The following FBXL4 variants were observed in gnomAD, a reference collection of about 807,000 sequenced individuals.
FBXL4 encodes the protein F-box/LRR-repeat protein 4.
Under a neutral mutation model 58.9 loss-of-function variants are expected in FBXL4, and 40 were observed. The observed-to-expected ratio is 0.68, with a 90% CI of 0.53 to 0.88. The LOEUF (loss-of-function observed/expected upper bound fraction) is 0.88. Among genes scored for constraint, FBXL4 ranks in the 40% least tolerant of loss-of-function variants. The pLI is 0.00. For synonymous variants in FBXL4, 263 were observed against 265.5 expected, an observed-to-expected ratio of 0.99 and a Z score of 0.09; for missense variants, 676 against 734.4, an observed-to-expected ratio of 0.92 and a Z score of 0.92.
At chr6:98,929,796 G>A (rs933476396) in intron 2 of FBXL4, among the ~76,000 whole-genome samples, 1 of 152,076 alleles carries the variant, frequency 6.6e-6, no homozygotes, top group Non-Finnish European at 1.5e-5. Context: ...CCCTATCCAT[G>A]AAACCAGGAC....
intron 7 of FBXL4, among the ~76,000 whole-genome samples, chr6:98,888,103 T>C (rs950408387): frequency 2.0e-5 from 3 of 152,244 alleles, no homozygotes; most frequent in Admixed American, 6.5e-5. Flanking sequence ...AAATTAACTC[T>C]TCATTTCCAG....
intron 7 of FBXL4, among the ~76,000 whole-genome samples, chr6:98,891,188 G>A (rs1431117509): frequency 1.3e-5 from 2 of 152,124 alleles, no homozygotes; most frequent in Admixed American, 1.3e-4. Context: ...TGGAGAGTTA[G>A]AATTCTGACA....
Position 98,875,738 on chromosome 6 carries a change from A to AAT in FBXL4, c.1390-13_1390-12dup. 3 of 1,611,790 alleles carry AAT rather than the reference A, an allele frequency of 1.9e-6. No individual in the cohort carries two copies. The highest frequency in any genetic ancestry group is 2.5e-6 in the Non-Finnish European group (3 of 1,178,898). Reference sequence around the variant, plus strand: ...ATCATAGTCTTCAATCTGGAAATCAAATAATTCCAATCTTTTACATGTTAT... The same window carrying AAT: ...ATCATAGTCTTCAATCTGGAAATCAAATATAATTCCAATCTTTTACATGTTAT... On this transcript the variant is annotated splice_polypyrimidine_tract_variant and intron_variant, in intron 8 of 9. Transcript: ENST00000369244.
intron 1 of FBXL4, among the ~76,000 whole-genome samples, chr6:98,940,551 A>T (rs1773396361): frequency 1.3e-5 from 2 of 152,154 alleles, no homozygotes; most frequent in Non-Finnish European, 2.9e-5. Context: ...TTGATTAATG[A>T]CATGGAACAT....
At chr6:98,921,416 A>G (rs528118314) in intron 4 of FBXL4, among the ~76,000 whole-genome samples, 6 of 151,670 alleles carry the variant, frequency 4.0e-5, no homozygotes, top group Admixed American at 4.0e-4. Context: ...TATATCTAGT[A>G]GCCAGCAAAG....
At chr6:98,875,170 G>A (rs1380296531) in intron 9 of FBXL4, 1 of 491,368 alleles carries the variant, frequency 2.0e-6, no homozygotes, top group East Asian at 3.8e-5. Flanking sequence ...AAGAATTAAT[G>A]GTTATAGTTT....
Position 98,899,340 on chromosome 6 carries a change from T to C in FBXL4, c.1245A>G (p.Pro415=). The part of the protein sequence containing the change: ...ALNLSSCDKL[P]PQAFNHIAKL... Reference sequence around the variant, plus strand: ...TGGCAATGTGGTTGAAAGCTTGAGGTGGTAGCTTATCACAGGAGGAGAGAT... The same window carrying C: ...TGGCAATGTGGTTGAAAGCTTGAGGCGGTAGCTTATCACAGGAGGAGAGAT... The change falls in exon 7 of 10, where the codon CCA becomes CCG. Residue 415 remains proline, a synonymous_variant. Coordinates refer to ENST00000369244, the MANE Select transcript of FBXL4 (RefSeq NM_001278716.2). The C allele has an allele frequency of 1.2e-6, 2 of 1,613,966 alleles. No individual in the cohort carries two copies. The highest frequency in any genetic ancestry group is 1.7e-6 in the Non-Finnish European group (2 of 1,179,942).
chr6:98,918,843 A>T (rs1772472173), intron 4 of FBXL4, among the ~76,000 whole-genome samples: 2 of 152,158 alleles, frequency 1.3e-5, no homozygotes, highest in Non-Finnish European at 2.9e-5. Context: ...GAAAGCATTA[A>T]AAATAATCTC....
At position 98,928,321 on chromosome 6, in the gene FBXL4, T is replaced by C. The variant is rs190778917; in HGVS notation, c.-190-499A>G. 5.3e-5 allele frequency among the ~76,000 whole-genome samples: 8 copies of C among 152,090 alleles called. No individual in the cohort carries two copies. The East Asian group carries it at 1.5e-3, about 29-fold the overall frequency. On this transcript the variant is annotated intron_variant, in intron 2 of 9. Coordinates refer to ENST00000369244, the MANE Select transcript of FBXL4 (RefSeq NM_001278716.2). ...AGTTTAACTTCTAAGAAGGGAGATGTACCAACTTTTCTTTTTTTTTTTTCG... is the reference window on the plus strand; with the variant it reads ...AGTTTAACTTCTAAGAAGGGAGATGCACCAACTTTTCTTTTTTTTTTTTCG...
rs767055284 is a variant in FBXL4, at chr6:98,875,728, C to T, written c.1390-1G>A. 4 of 1,612,870 alleles carry T rather than the reference C, an allele frequency of 2.5e-6. No individual in the cohort carries two copies. In the African/African-American group the frequency reaches 4.0e-5, roughly 16 times the overall value. ...TAGCTATCACATCATAGTCTTCAAT[C>T]TGGAAATCAAATAATTCCAATCTTT... On this transcript the variant is annotated splice_acceptor_variant, in intron 8 of 9. Coordinates refer to ENST00000369244, the MANE Select transcript of FBXL4 (RefSeq NM_001278716.2). LOFTEE classifies it high-confidence loss of function.
At chr6:98,878,153 A>G (rs1484841254) in intron 8 of FBXL4, among the ~76,000 whole-genome samples, 2 of 152,242 alleles carry the variant, frequency 1.3e-5, no homozygotes, top group African/African-American at 4.8e-5. Context: ...GATCACAATC[A>G]CCATGGGAAA....
At chr6:98,920,643 G>A (rs1172763176) in intron 4 of FBXL4, among the ~76,000 whole-genome samples, 1 of 152,052 alleles carries the variant, frequency 6.6e-6, no homozygotes, top group African/African-American at 2.4e-5. Flanking sequence ...TTCCCCAATA[G>A]AGCTAAAATG....
In FBXL4 at chr6:98,942,851, G is replaced by C. The variant is rs565899542; in HGVS notation, c.-309+4955C>G. On this transcript the variant is annotated intron_variant, in intron 1 of 9. Coordinates refer to ENST00000369244, the MANE Select transcript of FBXL4 (RefSeq NM_001278716.2). Reference sequence around the variant, plus strand: ...TAATGGGAAGAATGAGGGCAAAAAAGAGTCAGTTATAGATGGTTTCAGAAT... The same window carrying C: ...TAATGGGAAGAATGAGGGCAAAAAACAGTCAGTTATAGATGGTTTCAGAAT... Among the ~76,000 whole-genome samples, 14 of 152,256 alleles carry C rather than the reference G, an allele frequency of 9.2e-5. No homozygotes were observed. In the East Asian group the frequency reaches 2.7e-3, roughly 29 times the overall value.
At chr6:98,939,141 G>A (rs1380372797) in intron 1 of FBXL4, among the ~76,000 whole-genome samples, 1 of 150,160 alleles carries the variant, frequency 6.7e-6, no homozygotes, top group Non-Finnish European at 1.5e-5. Context: ...AGGGAGGGAG[G>A]AAGGGAGATG....
At chr6:98,896,348 A>G (rs1771409902) in intron 7 of FBXL4, among the ~76,000 whole-genome samples, 1 of 152,202 alleles carries the variant, frequency 6.6e-6, no homozygotes, top group Non-Finnish European at 1.5e-5. Context: ...GATTGCCATG[A>G]ATACTAGTGC....
chr6:98,909,967 T>C (rs1436968598), intron 5 of FBXL4, among the ~76,000 whole-genome samples: 2 of 152,228 alleles, frequency 1.3e-5, no homozygotes, highest in African/African-American at 2.4e-5. Flanking sequence ...AGAGGCATTA[T>C]AGTTACTATT....
At chr6:98,911,725 G>C (rs1772079792) in intron 5 of FBXL4, among the ~76,000 whole-genome samples, 1 of 152,072 alleles carries the variant, frequency 6.6e-6, no homozygotes, top group Non-Finnish European at 1.5e-5. Context: ...CACAAAGATG[G>C]GGGAAAAACA....
intron 7 of FBXL4, among the ~76,000 whole-genome samples, chr6:98,888,616 T>C (rs934526157): frequency 6.6e-6 from 1 of 152,216 alleles, no homozygotes; most frequent in Non-Finnish European, 1.5e-5. Context: ...CAAAACTCAT[T>C]CAATAGAAGT....
rs1216615531 is a variant in FBXL4 at position 98,873,344 on chromosome 6, A to G, written c.*934T>C. The G allele has an allele frequency of 1.4e-5, 2 of 147,772 alleles. No individual in the cohort carries two copies. The highest frequency in any genetic ancestry group is 4.9e-5 in the African/African-American group (2 of 40,632). 9.2% of individuals were successfully genotyped at this position (147,772 alleles called of 1,614,324 possible). On this transcript the variant is annotated 3_prime_UTR_variant, in exon 10 of 10. Transcript: ENST00000369244. ...TAAATGTGGATATATATTATCTATAATATGTATATATAATGTGTATATATA... is the reference window on the plus strand; with the variant it reads ...TAAATGTGGATATATATTATCTATAGTATGTATATATAATGTGTATATATA...
Sources: allele counts gnomAD v4.1 joint callset (sites outside exome capture counted in the v4.1 genomes callset), GRCh38; gene constraint gnomAD v4.1.1; transcripts MANE v1.5; gene names NCBI Gene and HGNC (gene_info 2026-07-23, HGNC 2026-07-21).